The following CHM variants were observed in gnomAD, a reference collection of about 807,000 sequenced individuals.
The protein encoded by CHM is rab proteins geranylgeranyltransferase component A 1.
In CHM, 10 loss-of-function variants were observed where a neutral mutation model predicts 49.0. The observed-to-expected ratio is 0.20, with a 90% CI of 0.13 to 0.35. The LOEUF (loss-of-function observed/expected upper bound fraction) is 0.35, where lower values mean the gene tolerates loss of function less well. Ranked by LOEUF, CHM falls within the 10% of genes least tolerant of loss-of-function variation. The pLI is 1.00. For synonymous variants in CHM, 184 were observed against 167.5 expected, an observed-to-expected ratio of 1.10 and a Z score of -0.76; for missense variants, 455 against 478.4, an observed-to-expected ratio of 0.95 and a Z score of 0.46.
chrX:85,967,922 T>G (rs1423332177), intron 4 of CHM, among the ~76,000 whole-genome samples: 1 of 111,507 alleles, frequency 9.0e-6, no homozygotes, highest in African/African-American at 3.3e-5. Flanking sequence ...ATGAATACCT[T>G]GTAACAGCCT....
intron 1 of CHM, among the ~76,000 whole-genome samples, chrX:86,039,083 T>C (rs1424360904): frequency 1.8e-5 from 2 of 112,503 alleles, no homozygotes; most frequent in Non-Finnish European, 3.8e-5. Context: ...ACTGCAGGGT[T>C]ACTGTGAAAA....
intron 5 of CHM, among the ~76,000 whole-genome samples, chrX:85,962,558 C>G (rs764447843): frequency 3.6e-5 from 4 of 111,971 alleles, no homozygotes; most frequent in Non-Finnish European, 5.6e-5. Context: ...CTCTCTGTCC[C>G]CTATCACTTG....
At chrX:85,867,196 G>T (rs1468359148) in intron 14 of CHM, among the ~76,000 whole-genome samples, 1 of 111,466 alleles carries the variant, frequency 9.0e-6, no homozygotes, top group Admixed American at 9.5e-5. Flanking sequence ...GATTATGGGG[G>T]CACTTTTCCC....
At chrX:86,012,807 A>C (rs1450164374) in intron 2 of CHM, among the ~76,000 whole-genome samples, 1 of 110,932 alleles carries the variant, frequency 9.0e-6, no homozygotes, top group East Asian at 2.8e-4. Context: ...GGAGGCAGAC[A>C]AAGGCCTAGG....
intron 8 of CHM, among the ~76,000 whole-genome samples, chrX:85,950,844 C>T (rs1342590466): frequency 3.6e-5 from 4 of 110,802 alleles, no homozygotes; most frequent in South Asian, 7.6e-4. Context: ...ATATAGAATA[C>T]AAAAGACAAA....
intron 9 of CHM, 132 bp downstream of exon 9, chrX:85,911,129 G>GTGTATATATATA (rs1219677231): frequency 1.4e-4 from 1 of 6,907 alleles, no homozygotes; most frequent in Admixed American, 5.9e-3. Flanking sequence ...GTGTGTATAT[G>GTGTATATATATA]TATATATATA....
At chrX:85,897,339 G>GTC (rs1925957949) in intron 11 of CHM, among the ~76,000 whole-genome samples, 2 of 102,839 alleles carry the variant, frequency 1.9e-5, no homozygotes, top group Admixed American at 1.1e-4. Flanking sequence ...GTGTGTGTGT[G>GTC]TGTGTCTGTG....
At chrX:85,865,235 G>A (rs779898214) in intron 14 of CHM, among the ~76,000 whole-genome samples, 4 of 111,802 alleles carry the variant, frequency 3.6e-5, no homozygotes, top group Middle Eastern at 4.6e-3. Context: ...GTGTTAGGGG[G>A]TGACTAGATT....
Position 86,033,761 on chromosome X carries a change from T to TACC in CHM, c.50-6207_50-6205dup, listed in dbSNP as rs1397458359. On this transcript the variant is annotated intron_variant, in intron 1 of 14. Transcript: ENST00000357749. ...TTGCAAATGAAGTAGCCTAGGGAAC[T>TACC]ACCACAACATAAAGATAAAAATATC... Among the ~76,000 whole-genome samples, 3 of 111,787 alleles carry TACC rather than the reference T, an allele frequency of 2.7e-5. No individual in the cohort carries two copies. In the East Asian group the frequency reaches 8.4e-4, roughly 31 times the overall value.
At chrX:85,866,519 G>A (rs1269154734) in intron 14 of CHM, among the ~76,000 whole-genome samples, 1 of 112,919 alleles carries the variant, frequency 8.9e-6, no homozygotes. Flanking sequence ...CCCCCACAAA[G>A]AGTCACCACT....
At chrX:85,894,605 C>T (rs1291321189) in intron 11 of CHM, among the ~76,000 whole-genome samples, 1 of 111,258 alleles carries the variant, frequency 9.0e-6, no homozygotes, top group African/African-American at 3.3e-5. Flanking sequence ...CAAAATTTAG[C>T]ACCGACATGA....
At chrX:85,929,016 T>C (rs188522103) in intron 8 of CHM, among the ~76,000 whole-genome samples, 7 of 112,141 alleles carry the variant, frequency 6.2e-5, no homozygotes, top group African/African-American at 2.3e-4. Context: ...GCAAATTAAA[T>C]ATGATGCATA....
intron 2 of CHM, among the ~76,000 whole-genome samples, chrX:86,020,678 C>CGATATATACATCT (rs1300425736): frequency 1.9e-5 from 2 of 103,690 alleles, no homozygotes; most frequent in Non-Finnish European, 3.9e-5. Context: ...TATATATCTC[C>CGATATATACATCT]GATATATACA....
At chrX:86,030,580 C>G (rs762762039) in intron 1 of CHM, among the ~76,000 whole-genome samples, 1 of 111,285 alleles carries the variant, frequency 9.0e-6, no homozygotes, top group East Asian at 2.8e-4. Context: ...TAATCCCTAG[C>G]CTGTTAGAGC....
Position 85,907,483 on chromosome X carries a change from G to A in CHM, c.1244+3778C>T, listed in dbSNP as rs780890056. On this transcript the variant is annotated intron_variant, in intron 9 of 14. Coordinates refer to ENST00000357749, the MANE Select transcript of CHM (RefSeq NM_000390.4). The stretch of plus-strand genomic sequence containing the variant: ...TTCAGTTTTTCTAAAAACAGTCAAC[G>A]GAAGCATGCAGTATTAGAATTTAGT... Among the ~76,000 whole-genome samples the A allele has an allele frequency of 2.7e-5, 3 of 112,413 alleles. No individual in the cohort carries two copies. The Admixed American group carries it at 2.8e-4, about 11-fold the overall frequency.
intron 12 of CHM, among the ~76,000 whole-genome samples, chrX:85,882,849 C>T (rs1462946816): frequency 9.0e-6 from 1 of 111,268 alleles, no homozygotes; most frequent in Admixed American, 9.6e-5. Flanking sequence ...TGTACAGTAG[C>T]AGAGTGACAT....
intron 8 of CHM, among the ~76,000 whole-genome samples, chrX:85,953,622 C>T (rs1037089750): frequency 4.5e-5 from 5 of 111,732 alleles, no homozygotes; most frequent in Non-Finnish European, 3.8e-5. Context: ...AATCCACACA[C>T]CTACAGTGAA....
intron 4 of CHM, among the ~76,000 whole-genome samples, chrX:85,967,159 T>A (rs1310182633): frequency 9.0e-6 from 1 of 111,348 alleles, no homozygotes; most frequent in Non-Finnish European, 1.9e-5. Context: ...TGAGAAAATA[T>A]AAAGACACCC....
At chrX:86,021,125 C>CGT (rs1491254946) in intron 2 of CHM, among the ~76,000 whole-genome samples, 1 of 19,993 alleles carries the variant, frequency 5.0e-5, no homozygotes, top group African/African-American at 3.3e-4. Flanking sequence ...TGTGTATATA[C>CGT]GTATATATAT....
Sources: gnomAD v4.1 joint callset for allele counts (sites outside exome capture counted in the v4.1 genomes callset) on GRCh38, gnomAD v4.1.1 for gene constraint, MANE v1.5 for transcripts, NCBI Gene and HGNC (gene_info 2026-07-23, HGNC 2026-07-21) for gene names.